ZDHHC11: variants seen among roughly 807,000 people sequenced by gnomAD.
ZDHHC11 encodes the protein palmitoyltransferase ZDHHC11.
ZDHHC11 carries 44 observed loss-of-function variants against 51.3 expected under a neutral mutation model. That is an observed-to-expected ratio of 0.86 (90% confidence interval 0.67 to 1.10). The LOEUF is 1.10. ZDHHC11 is among the 50% of genes least tolerant of loss of function. The probability of loss-of-function intolerance (pLI) is 0.00; values close to 1 mark genes in which losing one functional copy is unlikely to be tolerated. For synonymous variants in ZDHHC11, 163 were observed against 222.0 expected (o/e 0.73, Z 2.36); for missense variants, 400 against 537.7 (o/e 0.74, Z 2.53).
At chr5:857,074 T>C (rs1748365771) in intron 1 of ZDHHC11, among the ~76,000 whole-genome samples, 2 of 151,692 alleles carry the variant, frequency 1.3e-5, no homozygotes, top group African/African-American at 4.8e-5. Context: ...CACCACACAA[T>C]GCACACACAC....
intron 11 of ZDHHC11, among the ~76,000 whole-genome samples, chr5:807,068 A>C (rs1303820479): frequency 3.3e-5 from 5 of 150,962 alleles, no homozygotes; most frequent in Admixed American, 3.3e-4. Flanking sequence ...ACTGGAAGCC[A>C]TCTCCATGCC....
At chr5:825,823 C>A (rs1742287008) in intron 7 of ZDHHC11, among the ~76,000 whole-genome samples, 1 of 152,352 alleles carries the variant, frequency 6.6e-6, no homozygotes, top group African/African-American at 2.4e-5. Context: ...ACAGAACAAC[C>A]CTGCTCCTAG....
intron 11 of ZDHHC11, among the ~76,000 whole-genome samples, chr5:813,416 T>TGTGAGGGGGAGACCGGGAGGC (rs1300493724): frequency 7.0e-6 from 1 of 142,628 alleles, no homozygotes; most frequent in African/African-American, 2.8e-5. Flanking sequence ...TGCACTCATC[T>TGTGAGGGGGAGACCGGGAGGC]GTGAGGGGGA....
chr5:808,442 T>C (rs1739595723), intron 11 of ZDHHC11, among the ~76,000 whole-genome samples: 1 of 147,028 alleles, frequency 6.8e-6, no homozygotes. Flanking sequence ...GTGTCATCAG[T>C]GCTCCCAGCC....
chr5:840,540 C>G lies in ZDHHC11; in HGVS notation c.739G>C (p.Gly247Arg). 2.5e-6 allele frequency: 4 copies of G among 1,613,858 alleles called. No individual in the cohort carries two copies. Among genetic ancestry groups the G allele is most frequent in the Non-Finnish European group, 2.5e-6 (3 of 1,179,866 alleles). Residue 247 changes from glycine to arginine, a missense_variant, in exon 5 of 13, where the codon GGC becomes CGC. Coordinates refer to ENST00000283441, the MANE Select transcript of ZDHHC11 (RefSeq NM_024786.3). ...AGCAGCTGGCCCAGGTGCACCAAGCCAAGAAAGTCCAGCAGGAGCACGAGC... is the reference window on the plus strand; with the variant it reads ...AGCAGCTGGCCCAGGTGCACCAAGCGAAGAAAGTCCAGCAGGAGCACGAGC... ...GMLVLLLDFLGLVHLGQLLIF... is the reference protein window; with the variant it reads ...GMLVLLLDFLRLVHLGQLLIF...
upstream of ZDHHC11, among the ~76,000 whole-genome samples, chr5:855,171 A>C (rs1747995790): frequency 7.1e-6 from 1 of 141,208 alleles, no homozygotes; most frequent in Non-Finnish European, 1.5e-5. Context: ...GACCCTACAG[A>C]GAACAGAGAG....
At chr5:821,818 G>T in intron 9 of ZDHHC11, 43 bp downstream of exon 9, 1 of 1,542,794 alleles carries the variant, frequency 6.5e-7, no homozygotes, top group Non-Finnish European at 8.9e-7. Context: ...GTATAACTAT[G>T]TTACTAATAG....
intron 12 of ZDHHC11, among the ~76,000 whole-genome samples, chr5:798,538 C>G (rs1290297280): frequency 6.7e-6 from 1 of 149,986 alleles, no homozygotes; most frequent in African/African-American, 2.4e-5. Flanking sequence ...TCCCTTTTCC[C>G]TTTATGCCAT....
chr5:849,997 G>A (rs1393810460), intron 1 of ZDHHC11, among the ~76,000 whole-genome samples: 1 of 152,240 alleles, frequency 6.6e-6, no homozygotes, highest in Non-Finnish European at 1.5e-5. Flanking sequence ...GCAGGCTGCC[G>A]ACCTGCGGGG....
chr5:854,699 C>CG (rs1747881690), upstream of ZDHHC11, among the ~76,000 whole-genome samples: 1 of 148,686 alleles, frequency 6.7e-6, no homozygotes, highest in Non-Finnish European at 1.5e-5. Flanking sequence ...GACAGCAAGC[C>CG]GGGGGGACAG....
At chr5:840,133 C>G in intron 5 of ZDHHC11, 1 of 615,130 alleles carries the variant, frequency 1.6e-6, no homozygotes, top group Admixed American at 2.7e-5. Flanking sequence ...GGAAGTCCAC[C>G]TGTCCTTATT....
intron 3 of ZDHHC11, 156 bp from the exon 4 acceptor site, chr5:843,880 A>ATGCAGGG (rs1745564387): frequency 9.5e-6 from 3 of 314,818 alleles, no homozygotes; most frequent in Middle Eastern, 1.1e-3. Flanking sequence ...GGCATGTGGG[A>ATGCAGGG]CAGGTGTGGG....
Position 821,890 on chromosome 5 carries a change from C to G in ZDHHC11, c.1029G>C (p.Gly343=). 1 of 1,605,312 alleles carries G rather than the reference C, an allele frequency of 6.2e-7. No homozygotes were observed. Among genetic ancestry groups the G allele is most frequent in the Non-Finnish European group, 8.5e-7 (1 of 1,174,320 alleles). ...GTGCAGATGGACACGGGTCTTCATC[C>G]CCTTCCTGTGGGGAAGTGAAGCAAA... ...NQDGDSTARE[G]DEDPCPSALG... The change falls in exon 9 of 13, where the codon GGG becomes GGC. Residue 343 remains glycine (G), a synonymous_variant. Transcript: ENST00000283441.
chr5:798,323 C>T (rs1190640869), intron 12 of ZDHHC11, among the ~76,000 whole-genome samples: 1 of 150,718 alleles, frequency 6.6e-6, no homozygotes, highest in Non-Finnish European at 1.5e-5. Context: ...TGCCTTCAAC[C>T]ATGGCCTGAG....
At chr5:844,149 C>A (rs2150421594) in intron 3 of ZDHHC11, among the ~76,000 whole-genome samples, 1 of 152,284 alleles carries the variant, frequency 6.6e-6, no homozygotes, top group South Asian at 2.1e-4. Context: ...TCAAACCCTG[C>A]TCCCGACCGC....
chr5:806,838 A>G (rs1432992912), intron 11 of ZDHHC11, among the ~76,000 whole-genome samples: 1 of 151,224 alleles, frequency 6.6e-6, no homozygotes, highest in Non-Finnish European at 1.5e-5. Flanking sequence ...ACACTACTCG[A>G]CTGTCAATTC....
intron 10 of ZDHHC11, among the ~76,000 whole-genome samples, chr5:818,619 G>A (rs940158612): frequency 2.0e-5 from 3 of 151,650 alleles, no homozygotes; most frequent in African/African-American, 7.3e-5. Flanking sequence ...CCTGCTATGG[G>A]AGGCTGAGGC....
At position 850,326 on chromosome 5, in the gene ZDHHC11, G is replaced by C. The variant is rs1224365498; in HGVS notation, c.222+55C>G. On this transcript the variant is annotated intron_variant, in intron 1 of 12. Coordinates refer to ENST00000283441, the MANE Select transcript of ZDHHC11 (RefSeq NM_024786.3). ...CCCAGACCCCACAGCCAGGTCCATC[G>C]CAAGTTCCTCCAGGAACCCCTCCCG... 3.8e-6 allele frequency: 6 copies of C among 1,571,466 alleles called. No individual in the cohort carries two copies. In the Admixed American group the frequency reaches 7.3e-5, roughly 19 times the overall value.
Position 840,626 on chromosome 5 carries a change from A to T in ZDHHC11, c.653T>A (p.Leu218Gln), listed in dbSNP as rs765446269. The change falls in exon 5 of 13, where the codon CTG becomes CAG. Residue 218 changes from leucine (L) to glutamine (Q), a missense_variant. Coordinates refer to ENST00000283441, the MANE Select transcript of ZDHHC11 (RefSeq NM_024786.3). ...YEDVKNMNTW[L>Q]LFLPLFPVQV... ...CACCGGGAACAGGGGGAGGAACAGC[A>T]GCCACGTGTTCATATTCTTGACATC... 1.9e-6 allele frequency: 3 copies of T among 1,613,886 alleles called. No individual in the cohort carries two copies. Among genetic ancestry groups the T allele is most frequent in the Middle Eastern group, 3.3e-4 (2 of 6,056 alleles).
Sources: gnomAD v4.1 joint callset for allele counts (sites outside exome capture counted in the v4.1 genomes callset) on GRCh38, gnomAD v4.1.1 for gene constraint, MANE v1.5 for transcripts, NCBI Gene and HGNC (gene_info 2026-07-23, HGNC 2026-07-21) for gene names.